Variants in R3HDM2 observed in about 807,000 individuals in gnomAD.
R3HDM2 encodes the protein R3H domain-containing protein 2.
In R3HDM2, 38 loss-of-function variants were observed where a neutral mutation model predicts 124.5. That is an observed-to-expected ratio of 0.31 (90% confidence interval 0.24 to 0.40). The LOEUF (loss-of-function observed/expected upper bound fraction) is 0.40. Ranked by LOEUF, R3HDM2 falls within the 10% of genes least tolerant of loss-of-function variation. The pLI, the probability that R3HDM2 is intolerant of heterozygous loss-of-function variation, is 1.00. For synonymous variants in R3HDM2, 391 were observed against 448.0 expected (o/e 0.87, Z 1.61); for missense variants, 869 against 1,236.9 (o/e 0.70, Z 4.46).
intron 2 of R3HDM2, among the ~76,000 whole-genome samples, chr12:57,331,845 C>T (rs1019403224): frequency 4.0e-5 from 6 of 150,868 alleles, no homozygotes; most frequent in Admixed American, 3.3e-4. Flanking sequence ...ACCCGGGACG[C>T]GGAGCTTGCA....
chr12:57,334,725 G>T (rs11172166), intron 2 of R3HDM2, among the ~76,000 whole-genome samples: 2 of 151,820 alleles, frequency 1.3e-5, no homozygotes, highest in Non-Finnish European at 2.9e-5. Flanking sequence ...ACCAACACCA[G>T]GATATATTGA....
intron 17 of R3HDM2, 158 bp from the exon 18 acceptor site, chr12:57,268,615 G>A: frequency 1.5e-5 from 12 of 820,064 alleles, no homozygotes; most frequent in Non-Finnish European, 2.2e-5. Flanking sequence ...TGTTTCCAGA[G>A]CTGTCTCTAT....
chr12:57,383,280 G>A (rs549166102), intron 2 of R3HDM2, among the ~76,000 whole-genome samples: 5 of 152,188 alleles, frequency 3.3e-5, no homozygotes, highest in East Asian at 1.9e-4. Flanking sequence ...TGGTCACGCC[G>A]TTGCACTCCA....
chr12:57,279,946 G>C (rs1046120407), intron 14 of R3HDM2, among the ~76,000 whole-genome samples: 1 of 152,134 alleles, frequency 6.6e-6, no homozygotes, highest in African/African-American at 2.4e-5. Context: ...CACATAAATA[G>C]GTGTTTATGG....
intron 2 of R3HDM2, among the ~76,000 whole-genome samples, chr12:57,363,460 T>G (rs1170269658): frequency 6.6e-6 from 1 of 152,134 alleles, no homozygotes; most frequent in Admixed American, 6.6e-5. Context: ...AGGGAGAGAT[T>G]TGTTAAAGGA....
At chr12:57,364,095 G>A (rs1230560680) in intron 2 of R3HDM2, among the ~76,000 whole-genome samples, 2 of 146,876 alleles carry the variant, frequency 1.4e-5, no homozygotes, top group African/African-American at 2.5e-5. Flanking sequence ...CTTACCTTAT[G>A]TAATAGTTTG....
intron 2 of R3HDM2, among the ~76,000 whole-genome samples, chr12:57,340,536 T>C (rs1219674036): frequency 6.6e-6 from 1 of 152,170 alleles, no homozygotes; most frequent in African/African-American, 2.4e-5. Context: ...ATAGATTGTG[T>C]TGGTCTGAAA....
chr12:57,329,002 C>A (rs531827614), intron 2 of R3HDM2, among the ~76,000 whole-genome samples: 1 of 152,138 alleles, frequency 6.6e-6, no homozygotes, highest in South Asian at 2.1e-4. Flanking sequence ...TGTAGAAGAT[C>A]CCAATCCTAA....
At chr12:57,286,394 C>T (rs1359560637) in intron 12 of R3HDM2, among the ~76,000 whole-genome samples, 2 of 152,112 alleles carry the variant, frequency 1.3e-5, no homozygotes, top group Non-Finnish European at 2.9e-5. Context: ...GTTTGGTTTA[C>T]AGGTATTTGT....
At chr12:57,413,850 T>TCC (rs2069261854) in intron 1 of R3HDM2, among the ~76,000 whole-genome samples, 1 of 39,896 alleles carries the variant, frequency 2.5e-5, no homozygotes, top group African/African-American at 8.4e-5. Flanking sequence ...CCCCCCCCTT[T>TCC]TTTTTTTTTT....
At chr12:57,404,361 G>C (rs979644758) in intron 1 of R3HDM2, among the ~76,000 whole-genome samples, 1 of 150,762 alleles carries the variant, frequency 6.6e-6, no homozygotes, top group Non-Finnish European at 1.5e-5. Context: ...ACCGCGCCTG[G>C]CCATCCATTC....
At chr12:57,266,387 T>A (rs2042425448) in intron 19 of R3HDM2, among the ~76,000 whole-genome samples, 2 of 152,130 alleles carry the variant, frequency 1.3e-5, no homozygotes, top group Non-Finnish European at 2.9e-5. Flanking sequence ...TGAGCCACCA[T>A]GCCTGGCCTT....
chr12:57,282,127 T>C (rs1008148749), intron 13 of R3HDM2, among the ~76,000 whole-genome samples: 1 of 151,960 alleles, frequency 6.6e-6, no homozygotes, highest in Admixed American at 6.6e-5. Context: ...CTGGCCAACG[T>C]GGTGAAACCC....
chr12:57,400,510 C>T (rs2067952393), intron 1 of R3HDM2, among the ~76,000 whole-genome samples: 1 of 152,002 alleles, frequency 6.6e-6, no homozygotes. Context: ...TGCAGCACAC[C>T]ATCATGGCAC....
At chr12:57,278,772 G>C (rs1044818515) in intron 14 of R3HDM2, among the ~76,000 whole-genome samples, 8 of 152,186 alleles carry the variant, frequency 5.3e-5, no homozygotes, top group African/African-American at 1.9e-4. Context: ...GCAATGACTT[G>C]CATGCAAATT....
intron 2 of R3HDM2, among the ~76,000 whole-genome samples, chr12:57,353,609 CTTG>C (rs2060916797): frequency 6.6e-6 from 1 of 151,690 alleles, no homozygotes; most frequent in Non-Finnish European, 1.5e-5. Context: ...GATATGGGGT[CTTG>C]TTATGTTGCT....
chr12:57,266,336 T>C (rs1006055211), intron 19 of R3HDM2, among the ~76,000 whole-genome samples: 1 of 152,088 alleles, frequency 6.6e-6, no homozygotes, highest in African/African-American at 2.4e-5. Context: ...GCTCAAGCGA[T>C]CCACCCGCCT....
chr12:57,268,117 C>A (rs1352053323), intron 18 of R3HDM2, 186 bp downstream of exon 18: 3 of 487,612 alleles, frequency 6.2e-6, no homozygotes, highest in Non-Finnish European at 6.7e-6. Context: ...CTGCTGATAA[C>A]CTCTTAGGCA....
At chr12:57,413,428 T>TA (rs748462019) in intron 1 of R3HDM2, among the ~76,000 whole-genome samples, 4,440 of 106,446 alleles carry the variant, frequency 0.042, 107 homozygotes, top group South Asian at 0.071. Context: ...ACCTTCTATT[T>TA]AAAAAAAAAA....
Sources: allele counts gnomAD v4.1 joint callset (sites outside exome capture counted in the v4.1 genomes callset), GRCh38; gene constraint gnomAD v4.1.1; transcripts MANE v1.5; gene names NCBI Gene and HGNC (gene_info 2026-07-23, HGNC 2026-07-21).